The following SLC27A1 variants were observed in gnomAD, a reference collection of about 807,000 sequenced individuals.
The protein encoded by SLC27A1 is solute carrier family 27 member 1, also known as long-chain fatty acid transport protein 1.
In SLC27A1, 61 loss-of-function variants were observed where a neutral mutation model predicts 62.2. The observed-to-expected ratio is 0.98, with a 90% CI of 0.80 to 1.21. The LOEUF (loss-of-function observed/expected upper bound fraction) is 1.21. SLC27A1 is among the 50% of genes most tolerant of loss of function. SLC27A1 has a pLI of 0.00. For missense variants in SLC27A1, 903 were observed against 932.1 expected, an observed-to-expected ratio of 0.97 and a Z score of 0.41; for synonymous variants, 435 against 408.6, an observed-to-expected ratio of 1.06 and a Z score of -0.78.
chr19:17,487,409 C>A, intron 3 of SLC27A1, 51 bp from the exon 4 acceptor site: 1 of 1,040,468 alleles, frequency 9.6e-7, no homozygotes, highest in South Asian at 1.4e-5. Flanking sequence ...AACTTCCAGG[C>A]CCCACCCCCC....
chr19:17,482,803 G>T (rs565355242), intron 1 of SLC27A1, among the ~76,000 whole-genome samples: 1 of 152,228 alleles, frequency 6.6e-6, no homozygotes, highest in South Asian at 2.1e-4. Flanking sequence ...CTGGCTGCTA[G>T]GGAGGGCAGA....
chr19:17,486,917 G>A lies in SLC27A1; in HGVS notation c.522G>A (p.Ser174=), dbSNP rs1241856674. 1.9e-6 allele frequency: 3 copies of A among 1,591,704 alleles called. No individual in the cohort carries two copies. The South Asian group carries it at 3.3e-5, about 18-fold the overall frequency. Residue 174 remains serine, a synonymous_variant, in exon 2 of 12, where the codon TCG becomes TCA. Transcript: ENST00000252595. This position sits in a 1 kb window ranked among gnomAD's most constrained non-coding sequence, Gnocchi z 6.6. ...CCCTGGCCTTCTGCCTGGGCACCTC[G>A]GGCGCTAAGGCCCTGATCTTTGGAG... ...REPLAFCLGT[S]GAKALIFGGE...
At chr19:17,489,530 AACTAAGGCTTGTAATGC>A (rs1234216292) in intron 6 of SLC27A1, among the ~76,000 whole-genome samples, 1 of 152,162 alleles carries the variant, frequency 6.6e-6, no homozygotes, top group Non-Finnish European at 1.5e-5. Context: ...CAGCTGGGGA[AACTAAGGCTTGTAATGC>A]GGCTAGGATT....
chr19:17,500,794 C>T lies in SLC27A1; in HGVS notation c.1554C>T (p.Asn518=), dbSNP rs1475732482. 6.2e-6 allele frequency: 10 copies of T among 1,612,462 alleles called. No homozygotes were observed. The highest frequency in any genetic ancestry group is 1.7e-4 in the Middle Eastern group (1 of 6,058). ...ACACCTTCCGCTGGCGAGGGGAGAA[C>T]GTCTCCACCACCGAGGTGGAGGGCG... is the stretch of plus-strand genomic sequence containing the variant. The part of the protein sequence containing the change: ...SGDTFRWRGE[N]VSTTEVEGVL... The change falls in exon 10 of 12, where the codon AAC becomes AAT. Residue 518 remains asparagine (N), a synonymous_variant. Coordinates refer to ENST00000252595, the MANE Select transcript of SLC27A1 (RefSeq NM_198580.3).
chr19:17,478,845 C>G (rs2075149202), intron 1 of SLC27A1, among the ~76,000 whole-genome samples: 1 of 152,128 alleles, frequency 6.6e-6, no homozygotes, highest in East Asian at 1.9e-4. Context: ...TGCACTCCAC[C>G]CTGGGCAACT....
chr19:17,481,441 T>C (rs1215294533), intron 1 of SLC27A1, among the ~76,000 whole-genome samples: 1 of 151,228 alleles, frequency 6.6e-6, no homozygotes, highest in Non-Finnish European at 1.5e-5. Context: ...CTCAGCCTCC[T>C]GAGTAGCTGG....
chr19:17,471,251 T>A (rs545038150), intron 1 of SLC27A1, among the ~76,000 whole-genome samples: 1 of 152,070 alleles, frequency 6.6e-6, no homozygotes, highest in East Asian at 1.9e-4. Context: ...ATAAAGGACT[T>A]CCCGGGTTTC....
At position 17,504,677 on chromosome 19, in the gene SLC27A1, G is replaced by A. The variant is rs568106694; in HGVS notation, c.*65G>A. ...GAGAGGCCAGCTTGAGCCAGACAGC[G>A]CTGCCCAGGGGTGGCCGCCTAGTAC... On this transcript the variant is annotated 3_prime_UTR_variant, in exon 12 of 12. Coordinates refer to ENST00000252595, the MANE Select transcript of SLC27A1 (RefSeq NM_198580.3). 4.7e-5 allele frequency: 75 copies of A among 1,601,126 alleles called. No homozygotes were observed. The East Asian group carries it at 7.0e-4, about 15-fold the overall frequency.
chr19:17,503,110 G>A (rs1179791186), intron 11 of SLC27A1, among the ~76,000 whole-genome samples: 1 of 152,138 alleles, frequency 6.6e-6, no homozygotes, highest in Non-Finnish European at 1.5e-5. Context: ...AATCTCGTGA[G>A]ACCCCTTCAC....
intron 1 of SLC27A1, among the ~76,000 whole-genome samples, chr19:17,483,299 G>A (rs556801189): frequency 3.9e-5 from 6 of 152,140 alleles, no homozygotes; most frequent in East Asian, 1.9e-4. Context: ...GACCAAGTGC[G>A]GCCCCATTTT....
rs1184580287 is a variant in SLC27A1 at position 17,470,652 on chromosome 19, A to G, written c.112A>G (p.Ser38Gly). The G allele has an allele frequency of 6.3e-6, 10 of 1,578,842 alleles. No individual in the cohort carries two copies. Among genetic ancestry groups the G allele is most frequent in the East Asian group, 2.3e-5 (1 of 43,526 alleles). Residue 38 changes from serine (S) to glycine (G), a missense_variant, in exon 1 of 12, where the codon AGC becomes GGC. By Grantham distance (56) the Ser-to-Gly change is moderately conservative. Transcript: ENST00000252595. ...AAAALGVYVG[S>G]GGWRFLRIVC... ...AGCGGCGCTCGGCGTGTACGTGGGC[A>G]GCGGCGGCTGGCGCTTCCTGCGCAT...
rs1349026120 is a variant in SLC27A1 at position 17,505,218 on chromosome 19, C to T, written c.*606C>T. 2.7e-5 allele frequency: 8 copies of T among 292,406 alleles called. No homozygotes were observed. Among genetic ancestry groups the T allele is most frequent in the South Asian group, 1.9e-4 (6 of 31,266 alleles). 18.1% of individuals were successfully genotyped at this position (292,406 alleles called of 1,614,324 possible). A position where few individuals can be genotyped will look rare whatever the true frequency, so the allele number is the denominator to read the frequency against. ...TTTCCTTTTTCCTCTCCTCTCCTGCCGAGAGTGGAACACGCGTGTCCTGGG... is the reference window on the plus strand; with the variant it reads ...TTTCCTTTTTCCTCTCCTCTCCTGCTGAGAGTGGAACACGCGTGTCCTGGG... On this transcript the variant is annotated 3_prime_UTR_variant, in exon 12 of 12. Coordinates refer to ENST00000252595, the MANE Select transcript of SLC27A1 (RefSeq NM_198580.3).
At position 17,500,380 on chromosome 19, in the gene SLC27A1, G is replaced by T; in HGVS notation, c.1309G>T (p.Gly437Cys). ...AATGGAGCTGCTGCGGGATGCCCAGGGCCTCTGCATCCCCTGCCAGGCCGG... is the reference window on the plus strand; with the variant it reads ...AATGGAGCTGCTGCGGGATGCCCAGTGCCTCTGCATCCCCTGCCAGGCCGG... ...DTMELLRDAQ[G>C]LCIPCQAGEP... Residue 437 changes from glycine to cysteine, a missense_variant, in exon 8 of 12, where the codon GGC becomes TGC. Transcript: ENST00000252595. 1 of 1,614,072 alleles carries T rather than the reference G, an allele frequency of 6.2e-7. No individual in the cohort carries two copies. The highest frequency in any genetic ancestry group is 8.5e-7 in the Non-Finnish European group (1 of 1,179,956).
At position 17,470,670 on chromosome 19, in the gene SLC27A1, C is replaced by T. The variant is rs1038862626; in HGVS notation, c.130C>T (p.Leu44=). The change falls in exon 1 of 12, where the codon CTG becomes TTG. Residue 44 remains leucine (L), a synonymous_variant. Transcript: ENST00000252595. ...VYVGSGGWRF[L]RIVCKTARRD... The stretch of plus-strand genomic sequence containing the variant: ...CGTGGGCAGCGGCGGCTGGCGCTTC[C>T]TGCGCATCGTCTGCAAGACCGCGAG... 1.9e-6 allele frequency: 3 copies of T among 1,579,354 alleles called. No homozygotes were observed. The highest frequency in any genetic ancestry group is 2.6e-6 in the Non-Finnish European group (3 of 1,169,532).
chr19:17,494,484 C>G (rs1292765172), intron 6 of SLC27A1, among the ~76,000 whole-genome samples: 1 of 151,774 alleles, frequency 6.6e-6, no homozygotes, highest in Non-Finnish European at 1.5e-5. Flanking sequence ...TGTGCCACCA[C>G]GCCTGGCTAA....
rs971918868 is a variant in SLC27A1 at position 17,500,870 on chromosome 19, G to A, written c.1630G>A (p.Val544Ile). The A allele has an allele frequency of 6.2e-7, 1 of 1,606,204 alleles. No homozygotes were observed. Among genetic ancestry groups the A allele is most frequent in the African/African-American group, 1.3e-5 (1 of 74,674 alleles). ...AGACGTGGCCGTCTATGGGGTGGCT[G>A]TTCCAGGCAAGCTGGGGTTGCAGGG... ...QTDVAVYGVA[V>I]PGVEGKAGMA... The change falls in exon 10 of 12, where the codon GTT becomes ATT. Residue 544 changes from valine (V) to isoleucine (I), a missense_variant. By Grantham distance (29) the Val-to-Ile change is conservative. Coordinates refer to ENST00000252595, the MANE Select transcript of SLC27A1 (RefSeq NM_198580.3).
intron 10 of SLC27A1, 26 bp from the exon 11 acceptor site, chr19:17,501,247 G>T: frequency 6.2e-7 from 1 of 1,609,448 alleles, no homozygotes; most frequent in Non-Finnish European, 8.5e-7. Context: ...GAGGCGGGGT[G>T]TCCTCAGCTG....
intron 11 of SLC27A1, among the ~76,000 whole-genome samples, 171 bp downstream of exon 11, chr19:17,501,590 TGAG>T: frequency 6.9e-6 from 1 of 145,626 alleles, no homozygotes; most frequent in Non-Finnish European, 1.5e-5. Flanking sequence ...GATCACGAGG[TGAG>T]GAGATCGAGA....
In SLC27A1 at chr19:17,494,159, C is replaced by G. The variant is rs188148140; in HGVS notation, c.997-3096C>G. On this transcript the variant is annotated intron_variant, in intron 6 of 11. Transcript: ENST00000252595. ...TCAGCCTCCTGAGTAGCTGGGACTA[C>G]AGGCGCCCGCCACCACACCTGGCTA... Among the ~76,000 whole-genome samples the G allele has an allele frequency of 3.6e-4, 55 of 151,518 alleles. 1 individual carries two copies. Among genetic ancestry groups the G allele is most frequent in the Admixed American group, 3.1e-3 (47 of 15,168 alleles).
Sources: gnomAD v4.1 joint callset for allele counts (sites outside exome capture counted in the v4.1 genomes callset) on GRCh38, gnomAD v4.1.1 for gene constraint, Gnocchi (gnomAD v3.1) non-coding constraint, MANE v1.5 for transcripts, NCBI Gene and HGNC (gene_info 2026-07-23, HGNC 2026-07-21) for gene names.